NKAIN3: variants seen among roughly 807,000 people sequenced by gnomAD.
NKAIN3 encodes sodium/potassium transporting ATPase interacting 3, also known as sodium/potassium-transporting ATPase subunit beta-1-interacting protein 3.
In NKAIN3, 25 loss-of-function variants were observed where a neutral mutation model predicts 30.2. The ratio of observed to expected loss-of-function variants is 0.83; its 90% CI spans 0.60 to 1.16. NKAIN3 has a LOEUF of 1.16. NKAIN3 is among the 50% of genes most tolerant of loss of function. The pLI, the probability that NKAIN3 is intolerant of heterozygous loss-of-function variation, is 0.00. For synonymous variants in NKAIN3, 91 were observed against 89.6 expected (o/e 1.02, Z -0.09); for missense variants, 225 against 254.1 (o/e 0.89, Z 0.78).
intron 5 of NKAIN3, among the ~76,000 whole-genome samples, chr8:62,946,060 T>C (rs1420150089): frequency 6.6e-6 from 1 of 152,196 alleles, no homozygotes; most frequent in Non-Finnish European, 1.5e-5. Context: ...GAGCATTTCA[T>C]TGGTCCCATG....
intron 1 of NKAIN3, among the ~76,000 whole-genome samples, chr8:62,346,110 G>C (rs1017130088): frequency 6.6e-6 from 1 of 151,980 alleles, no homozygotes; most frequent in Non-Finnish European, 1.5e-5. Context: ...TAGTAAACAC[G>C]TGAAACGTTA....
chr8:62,585,158 G>T (rs574678015), intron 2 of NKAIN3, among the ~76,000 whole-genome samples: 34 of 152,208 alleles, frequency 2.2e-4, no homozygotes, highest in African/African-American at 6.7e-4. Flanking sequence ...AATAGTATGT[G>T]CTGTGCTGCC....
intron 3 of NKAIN3, among the ~76,000 whole-genome samples, chr8:62,653,539 T>C (rs1047566274): frequency 6.6e-6 from 1 of 152,164 alleles, no homozygotes; most frequent in Non-Finnish European, 1.5e-5. Context: ...AGCTCTTCAC[T>C]TCAAAGAAAT....
At chr8:62,724,971 T>G (rs549031046) in intron 3 of NKAIN3, among the ~76,000 whole-genome samples, 10 of 152,268 alleles carry the variant, frequency 6.6e-5, no homozygotes, top group African/African-American at 9.6e-5. Context: ...TTCTCCACAG[T>G]GGTTGTGATA....
intron 4 of NKAIN3, among the ~76,000 whole-genome samples, chr8:62,759,706 G>A (rs1225587483): frequency 1.4e-5 from 2 of 139,054 alleles, no homozygotes; most frequent in Non-Finnish European, 3.1e-5. Flanking sequence ...ACATAGGCAT[G>A]GGCAAGGACT....
At chr8:62,434,934 G>A (rs1265346093) in intron 1 of NKAIN3, among the ~76,000 whole-genome samples, 1 of 152,074 alleles carries the variant, frequency 6.6e-6, no homozygotes, top group Admixed American at 6.6e-5. Context: ...TGCTGAAAGA[G>A]CTTTGAGGCA....
intron 5 of NKAIN3, among the ~76,000 whole-genome samples, chr8:62,935,207 C>T (rs894686686): frequency 6.6e-6 from 1 of 152,126 alleles, no homozygotes; most frequent in African/African-American, 2.4e-5. Context: ...CACAGGGACA[C>T]AACACTGTTC....
intron 4 of NKAIN3, among the ~76,000 whole-genome samples, chr8:62,848,073 T>G (rs1272583631): frequency 6.6e-6 from 1 of 152,188 alleles, no homozygotes; most frequent in African/African-American, 2.4e-5. Flanking sequence ...GCCATTTTGG[T>G]TACTGTAGCC....
chr8:62,610,676 C>T (rs558663290), intron 3 of NKAIN3, among the ~76,000 whole-genome samples: 2 of 152,248 alleles, frequency 1.3e-5, no homozygotes, highest in South Asian at 4.1e-4. Context: ...TCTCCCACTT[C>T]TCAACTAGCC....
At chr8:62,693,734 ATCACC>A in intron 3 of NKAIN3, among the ~76,000 whole-genome samples, 1 of 152,266 alleles carries the variant, frequency 6.6e-6, no homozygotes, top group East Asian at 1.9e-4. Flanking sequence ...AACCTTTCTA[ATCACC>A]TCCTGCAAAG....
At chr8:62,733,656 G>T (rs1363355696) in intron 3 of NKAIN3, among the ~76,000 whole-genome samples, 1 of 152,064 alleles carries the variant, frequency 6.6e-6, no homozygotes, top group Non-Finnish European at 1.5e-5. Context: ...AATTCTTCAA[G>T]AACTTTTTTC....
intron 1 of NKAIN3, among the ~76,000 whole-genome samples, chr8:62,394,895 C>G (rs76118143): frequency 5.1e-5 from 6 of 117,990 alleles, no homozygotes; most frequent in Non-Finnish European, 7.2e-5. Context: ...ATCACTTCCC[C>G]GACGGGGCGG....
chr8:62,608,246 A>T (rs918194592), intron 3 of NKAIN3, among the ~76,000 whole-genome samples: 17 of 152,158 alleles, frequency 1.1e-4, no homozygotes, highest in Non-Finnish European at 2.1e-4. Flanking sequence ...TCCTAAAAGG[A>T]GAAAAACATT....
intron 4 of NKAIN3, among the ~76,000 whole-genome samples, chr8:62,913,198 T>G (rs1821977031): frequency 6.6e-6 from 1 of 151,990 alleles, no homozygotes; most frequent in African/African-American, 2.4e-5. Context: ...GTAAGAAGTA[T>G]AGTATAAATA....
chr8:62,898,970 T>C (rs1432426479), intron 4 of NKAIN3, among the ~76,000 whole-genome samples: 1 of 151,862 alleles, frequency 6.6e-6, no homozygotes, highest in Non-Finnish European at 1.5e-5. Context: ...GAAATAGACA[T>C]ATGAAAAAGT....
At chr8:62,864,114 C>A in intron 4 of NKAIN3, 1 of 629,520 alleles carries the variant, frequency 1.6e-6, no homozygotes, top group Non-Finnish European at 2.8e-6. Flanking sequence ...ACAGGGGCTT[C>A]GCGGAGGTGA....
intron 1 of NKAIN3, among the ~76,000 whole-genome samples, chr8:62,562,081 C>A (rs1262001490): frequency 6.6e-6 from 1 of 152,132 alleles, no homozygotes; most frequent in African/African-American, 2.4e-5. Context: ...AAGGACTTAA[C>A]ACTTAGATCC....
intron 1 of NKAIN3, among the ~76,000 whole-genome samples, chr8:62,276,554 G>C (rs1474597703): frequency 6.6e-6 from 1 of 152,160 alleles, no homozygotes; most frequent in Non-Finnish European, 1.5e-5. Flanking sequence ...GTTCTATTAA[G>C]TACACACATG....
intron 1 of NKAIN3, among the ~76,000 whole-genome samples, chr8:62,461,107 T>C (rs1255230201): frequency 2.0e-5 from 3 of 152,314 alleles, no homozygotes. Flanking sequence ...AAGTGAAGTC[T>C]AATGCAGAGT....
Sources: gnomAD v4.1 joint callset for allele counts (sites outside exome capture counted in the v4.1 genomes callset) on GRCh38, gnomAD v4.1.1 for gene constraint, MANE v1.5 for transcripts, NCBI Gene and HGNC (gene_info 2026-07-23, HGNC 2026-07-21) for gene names.